KCNK12: variants seen among roughly 807,000 people sequenced by gnomAD.
KCNK12 encodes the protein potassium channel subfamily K member 12.
KCNK12 carries 6 observed loss-of-function variants against 25.3 expected under a neutral mutation model. That is an observed-to-expected ratio of 0.24 (90% confidence interval 0.13 to 0.47). The LOEUF (loss-of-function observed/expected upper bound fraction) is 0.47. Among genes scored for constraint, KCNK12 ranks in the 20% least tolerant of loss-of-function variants. The probability of loss-of-function intolerance (pLI) is 0.99; values close to 1 mark genes in which losing one functional copy is unlikely to be tolerated. For synonymous variants in KCNK12, 331 were observed against 311.1 expected, an observed-to-expected ratio of 1.06 and a Z score of -0.67; for missense variants, 444 against 661.7, an observed-to-expected ratio of 0.67 and a Z score of 3.61.
chr2:47,524,579 A>G (rs1193526861), intron 1 of KCNK12, among the ~76,000 whole-genome samples: 5 of 152,214 alleles, frequency 3.3e-5, no homozygotes, highest in African/African-American at 9.6e-5. Flanking sequence ...AATTTTGATA[A>G]AAGTCAGAAT....
At position 47,521,216 on chromosome 2, in the gene KCNK12, G is replaced by A. The variant is rs781002973; in HGVS notation, c.984C>T (p.Pro328=). ...GGGTGATGGCATTGCGCCGGGCCAG[G>A]GGCGCGCCAGGAGCCGGGCAGCAGC... The part of the protein sequence containing the change: ...CARCCPAPGA[P]LARRNAITPG... Residue 328 remains proline (P), a synonymous_variant, in exon 2 of 2, where the codon CCC becomes CCT. Coordinates refer to ENST00000327876, the MANE Select transcript of KCNK12 (RefSeq NM_022055.2). The A allele has an allele frequency of 2.5e-6, 4 of 1,577,038 alleles. No individual in the cohort carries two copies. Among genetic ancestry groups the A allele is most frequent in the Non-Finnish European group, 3.4e-6 (4 of 1,162,184 alleles).
intron 1 of KCNK12, among the ~76,000 whole-genome samples, chr2:47,549,397 A>C (rs1425809268): frequency 1.3e-5 from 2 of 152,170 alleles, no homozygotes; most frequent in Non-Finnish European, 1.5e-5. Context: ...CAACAATGTA[A>C]AATTCATGAT....
In KCNK12 at chr2:47,547,790, G is replaced by A. The variant is rs564033708; in HGVS notation, c.391+22151C>T. On this transcript the variant is annotated intron_variant, in intron 1 of 1. Transcript: ENST00000327876. This position sits in a 1 kb window ranked among gnomAD's most constrained non-coding sequence, Gnocchi z 5.0. ...TTTTTATATTTTTAGTAGAGAGGGG[G>A]TTTCACCGTGTTGGCCAGGCTGGTC... Among the ~76,000 whole-genome samples, 2 of 152,136 alleles carry A rather than the reference G, an allele frequency of 1.3e-5. No homozygotes were observed. Among genetic ancestry groups the A allele is most frequent in the African/African-American group, 4.8e-5 (2 of 41,408 alleles).
At chr2:47,534,200 C>G (rs768417860) in intron 1 of KCNK12, among the ~76,000 whole-genome samples, 3 of 151,924 alleles carry the variant, frequency 2.0e-5, no homozygotes, top group Non-Finnish European at 4.4e-5. Flanking sequence ...CTCGGCACAG[C>G]CTTCCTTGCT....
intron 1 of KCNK12, among the ~76,000 whole-genome samples, chr2:47,559,676 T>C (rs1669623902): frequency 6.6e-6 from 1 of 152,194 alleles, no homozygotes; most frequent in Non-Finnish European, 1.5e-5. Flanking sequence ...GCATACCTAC[T>C]ATGTGCTGGG....
chr2:47,538,318 G>A lies in KCNK12; in HGVS notation c.392-16510C>T, dbSNP rs549609930. On this transcript the variant is annotated intron_variant, in intron 1 of 1. Transcript: ENST00000327876. This position sits in a 1 kb window ranked among gnomAD's most constrained non-coding sequence, Gnocchi z 4.5. ...CAGGCTAAGAGGGTGAGGAGTGTGCGGGCAGGGAGGAGGCAGGTCATGGTT... is the reference window on the plus strand; with the variant it reads ...CAGGCTAAGAGGGTGAGGAGTGTGCAGGCAGGGAGGAGGCAGGTCATGGTT... Among the ~76,000 whole-genome samples the A allele has an allele frequency of 2.6e-5, 4 of 152,268 alleles. No individual in the cohort carries two copies. Among genetic ancestry groups the A allele is most frequent in the South Asian group, 4.2e-4 (2 of 4,814 alleles).
intron 1 of KCNK12, among the ~76,000 whole-genome samples, chr2:47,541,447 G>C (rs573776458): frequency 2.6e-5 from 4 of 151,982 alleles, no homozygotes; most frequent in African/African-American, 9.7e-5. Context: ...TTAAAATTTG[G>C]GCTGACTCTC....
chr2:47,548,842 G>T lies in KCNK12; in HGVS notation c.391+21099C>A, dbSNP rs1043153760. On this transcript the variant is annotated intron_variant, in intron 1 of 1. Transcript: ENST00000327876. This position sits in a 1 kb window ranked among gnomAD's most constrained non-coding sequence, Gnocchi z 4.4. ...ATGGGAGTGGAGAGATCCAGACAGA[G>T]CCCAGAACTCTTGCTGAATTGAGGG... Among the ~76,000 whole-genome samples, 12 of 152,200 alleles carry T rather than the reference G, an allele frequency of 7.9e-5. No homozygotes were observed. The highest frequency in any genetic ancestry group is 1.6e-4 in the Non-Finnish European group (11 of 68,034).
At position 47,517,438 on chromosome 2, in the gene KCNK12, C is replaced by G. The variant is rs917955413; in HGVS notation, c.*3469G>C. The G allele has an allele frequency of 4.6e-5, 7 of 152,106 alleles. No individual in the cohort carries two copies. Among genetic ancestry groups the G allele is most frequent in the Admixed American group, 4.6e-4 (7 of 15,280 alleles). 9.4% of individuals were successfully genotyped at this position (152,106 alleles called of 1,614,324 possible). Reference sequence around the variant, plus strand: ...TACATGCAAATTGTACATAAAACTCCCCCAAGGCAGAGAGGGATTTTCCAG... The same window carrying G: ...TACATGCAAATTGTACATAAAACTCGCCCAAGGCAGAGAGGGATTTTCCAG... On this transcript the variant is annotated 3_prime_UTR_variant, in exon 2 of 2. Coordinates refer to ENST00000327876, the MANE Select transcript of KCNK12 (RefSeq NM_022055.2). This position sits in a 1 kb window ranked among gnomAD's most constrained non-coding sequence, Gnocchi z 4.1.
chr2:47,569,161 C>T lies in KCNK12; in HGVS notation c.391+780G>A, dbSNP rs1293830041. The stretch of plus-strand genomic sequence containing the variant: ...TTGAGAAAACGTGAACTGTTTATAT[C>T]CAAAAAAAGAGAGAAGAGATGATGG... On this transcript the variant is annotated intron_variant, in intron 1 of 1. Transcript: ENST00000327876. The surrounding 1 kb of genome is among the most constrained non-coding windows in gnomAD (Gnocchi z 4.1). 6.6e-6 allele frequency among the ~76,000 whole-genome samples: 1 copy of T among 151,864 alleles called. No individual in the cohort carries two copies. Among genetic ancestry groups the T allele is most frequent in the South Asian group, 2.1e-4 (1 of 4,810 alleles).
At chr2:47,524,874 C>T (rs1668736271) in intron 1 of KCNK12, among the ~76,000 whole-genome samples, 1 of 152,136 alleles carries the variant, frequency 6.6e-6, no homozygotes, top group African/African-American at 2.4e-5. Flanking sequence ...ATGTTGGGGA[C>T]AGACTCCCAC....
intron 1 of KCNK12, chr2:47,527,459 G>A (rs1160701119): frequency 1.3e-5 from 2 of 152,468 alleles, no homozygotes; most frequent in Non-Finnish European, 2.9e-5. Flanking sequence ...GAGGTGCAGA[G>A]GAGACTGCTG....
Position 47,547,285 on chromosome 2 carries a change from C to A in KCNK12, c.391+22656G>T, listed in dbSNP as rs1669334286. Among the ~76,000 whole-genome samples the A allele has an allele frequency of 6.6e-6, 1 of 152,198 alleles. No individual in the cohort carries two copies. Among genetic ancestry groups the A allele is most frequent in the African/African-American group, 2.4e-5 (1 of 41,436 alleles). Reference sequence around the variant, plus strand: ...CTAACCTTGACAGCAACTGAAATTACTCTCATGAGGAGTTTTACAAAATGC... The same window carrying A: ...CTAACCTTGACAGCAACTGAAATTAATCTCATGAGGAGTTTTACAAAATGC... On this transcript the variant is annotated intron_variant, in intron 1 of 1. Transcript: ENST00000327876. This position sits in a 1 kb window ranked among gnomAD's most constrained non-coding sequence, Gnocchi z 5.0.
rs1038909448 is a variant in KCNK12, at chr2:47,570,499, G to A, written c.-168C>T. ...TCGCCTTCCCAGAGCCCGGACAGAG[G>A]GGCGCCTCCGCCTCCTCCCCGGCGC... On this transcript the variant is annotated 5_prime_UTR_variant, in exon 1 of 2. Coordinates refer to ENST00000327876, the MANE Select transcript of KCNK12 (RefSeq NM_022055.2). The A allele has an allele frequency of 1.3e-5, 8 of 639,736 alleles. No homozygotes were observed. Among genetic ancestry groups the A allele is most frequent in the African/African-American group, 1.9e-5 (1 of 51,854 alleles). The allele number at this position is 639,736 out of a possible 1,614,324, so 39.6% of individuals were successfully genotyped here.
At position 47,548,439 on chromosome 2, in the gene KCNK12, C is replaced by T. The variant is rs1669358816; in HGVS notation, c.391+21502G>A. The stretch of plus-strand genomic sequence containing the variant: ...CTCCCAACCAGCCCCTCCTTGATTC[C>T]ACTTCAGCCTTCCCTATCTCAGTAA... On this transcript the variant is annotated intron_variant, in intron 1 of 1. Transcript: ENST00000327876. This position sits in a 1 kb window ranked among gnomAD's most constrained non-coding sequence, Gnocchi z 4.4. Among the ~76,000 whole-genome samples the T allele has an allele frequency of 6.6e-6, 1 of 152,198 alleles. No homozygotes were observed. Among genetic ancestry groups the T allele is most frequent in the Non-Finnish European group, 1.5e-5 (1 of 68,032 alleles).
chr2:47,570,009 T>C lies in KCNK12; in HGVS notation c.323A>G (p.Asp108Gly), dbSNP rs2104911184. ...EAALAAGVRADALRPRWDFPG... is the reference protein window; with the variant it reads ...EAALAAGVRAGALRPRWDFPG... ...GAAGTCCCAGCGCGGGCGCAGCGCG[T>C]CGGCGCGGACGCCGGCGGCCAGCGC... The change falls in exon 1 of 2, where the codon GAC (aspartate) becomes GGC (glycine). Residue 108 changes from aspartate (D) to glycine (G), a missense_variant. Physicochemically the swap from Asp to Gly is moderately conservative, Grantham distance 94. Transcript: ENST00000327876. 1 of 1,431,648 alleles carries C rather than the reference T, an allele frequency of 7.0e-7. No homozygotes were observed. 88.7% of individuals were successfully genotyped at this position (1,431,648 alleles called of 1,614,324 possible). A position where few individuals can be genotyped will look rare whatever the true frequency, so the allele number is the denominator to read the frequency against.
intron 1 of KCNK12, chr2:47,563,943 TC>T: frequency 4.3e-6 from 1 of 231,886 alleles, no homozygotes; most frequent in Non-Finnish European, 8.5e-6. Flanking sequence ...TTCCTGGGAG[TC>T]CAGGGGAGAG....
chr2:47,563,059 C>T (rs1669714875), intron 1 of KCNK12: 1 of 233,198 alleles, frequency 4.3e-6, no homozygotes, highest in South Asian at 1.8e-4. Flanking sequence ...TTCCAAGATC[C>T]TCTGAATCTG....
chr2:47,542,969 G>C (rs1447310133), intron 1 of KCNK12, among the ~76,000 whole-genome samples: 3 of 151,978 alleles, frequency 2.0e-5, no homozygotes, highest in Non-Finnish European at 4.4e-5. Context: ...GCCAAGCCTG[G>C]AGTGCAGTGG....
Sources: allele counts gnomAD v4.1 joint callset (sites outside exome capture counted in the v4.1 genomes callset), GRCh38; gene constraint gnomAD v4.1.1; non-coding constraint Gnocchi (gnomAD v3.1); transcripts MANE v1.5; gene names NCBI Gene and HGNC (gene_info 2026-07-23, HGNC 2026-07-21).